The following PRKDC variants were observed in gnomAD, a reference collection of about 807,000 sequenced individuals.
The protein encoded by PRKDC is DNA-dependent protein kinase catalytic subunit.
PRKDC carries 82 observed loss-of-function variants against 486.9 expected under a neutral mutation model. The ratio of observed to expected loss-of-function variants is 0.17; its 90% CI spans 0.14 to 0.20. PRKDC has a LOEUF of 0.20. PRKDC is among the 10% of genes least tolerant of loss of function. The probability of loss-of-function intolerance (pLI) is 1.00; values close to 1 mark genes in which losing one functional copy is unlikely to be tolerated. For missense variants in PRKDC, 4,504 were observed against 5,038.2 expected, an observed-to-expected ratio of 0.89 and a Z score of 3.21; for synonymous variants, 1,895 against 1,837.0, an observed-to-expected ratio of 1.03 and a Z score of -0.81.
At chr8:47,847,601 A>C (rs1326828433) in intron 54 of PRKDC, among the ~76,000 whole-genome samples, 4 of 152,212 alleles carry the variant, frequency 2.6e-5, no homozygotes, top group African/African-American at 9.6e-5. Flanking sequence ...TTTATGACTA[A>C]GTTCTAAAAA....
intron 73 of PRKDC, among the ~76,000 whole-genome samples, chr8:47,796,542 G>A (rs537405227): frequency 5.9e-5 from 9 of 151,932 alleles, no homozygotes; most frequent in East Asian, 1.9e-4. Context: ...GTAGATTGCC[G>A]AAGTCAGCTT....
chr8:47,785,414 G>A, intron 76 of PRKDC, 97 bp from the exon 77 acceptor site: 1 of 956,944 alleles, frequency 1.0e-6, no homozygotes, highest in South Asian at 1.5e-5. Context: ...GTGCTCAATG[G>A]TATATGTTTC....
intron 52 of PRKDC, among the ~76,000 whole-genome samples, chr8:47,850,935 G>A (rs2088389793): frequency 1.3e-5 from 2 of 152,118 alleles, no homozygotes; most frequent in South Asian, 2.1e-4. Flanking sequence ...TCAGCCTCCC[G>A]AGTAGCTGGG....
In PRKDC at chr8:47,855,341, T is replaced by C; in HGVS notation, c.6642A>G (p.Arg2214=). The change falls in exon 50 of 86, where the codon CGA becomes CGG. Residue 2214 remains arginine, a synonymous_variant. Transcript: ENST00000314191. Reference sequence around the variant, plus strand: ...CATGTTTCATTAGGAAATTAAGCAATCGATTTGCTAACACTTCATCTTTAG... The same window carrying C: ...CATGTTTCATTAGGAAATTAAGCAACCGATTTGCTAACACTTCATCTTTAG... The part of the protein sequence containing the change: ...GVPKDEVLAN[R]LLNFLMKHVF... The C allele has an allele frequency of 6.3e-7, 1 of 1,599,748 alleles. No individual in the cohort carries two copies. Among genetic ancestry groups the C allele is most frequent in the Non-Finnish European group, 8.5e-7 (1 of 1,172,154 alleles).
At chr8:47,816,456 G>A (rs1216660319) in intron 68 of PRKDC, among the ~76,000 whole-genome samples, 1 of 152,172 alleles carries the variant, frequency 6.6e-6, no homozygotes, top group Non-Finnish European at 1.5e-5. Flanking sequence ...TGTTGTAGAG[G>A]TAGAGAAAAT....
intron 30 of PRKDC, among the ~76,000 whole-genome samples, chr8:47,896,103 T>C (rs1357228447): frequency 6.6e-6 from 1 of 152,128 alleles, no homozygotes; most frequent in African/African-American, 2.4e-5. Flanking sequence ...AAAACACAGA[T>C]ATACATTTCT....
Position 47,860,233 on chromosome 8 carries a change from G to A in PRKDC, c.6059-474C>T, listed in dbSNP as rs190410129. On this transcript the variant is annotated intron_variant, in intron 45 of 85. Coordinates refer to ENST00000314191, the MANE Select transcript of PRKDC (RefSeq NM_006904.7). ...AAACAAAAACAAGGAGCATATAGAG[G>A]GATAGTGGACTAATTTTAAATAGGG... 2.0e-5 allele frequency among the ~76,000 whole-genome samples: 3 copies of A among 152,248 alleles called. No homozygotes were observed. The East Asian group carries it at 5.8e-4, about 29-fold the overall frequency.
chr8:47,902,360 A>G (rs1368624626), intron 27 of PRKDC, among the ~76,000 whole-genome samples: 1 of 152,240 alleles, frequency 6.6e-6, no homozygotes, highest in African/African-American at 2.4e-5. Context: ...TGGCTGAGAC[A>G]GTGTTTACAT....
In PRKDC at chr8:47,836,521, T is replaced by C; in HGVS notation, c.7768A>G (p.Thr2590Ala). The change falls in exon 58 of 86, where the codon ACC becomes GCC. Residue 2590 changes from threonine to alanine, a missense_variant. Transcript: ENST00000314191. ...CGGAAACGCCAATCAGAATCAATGG[T>C]ATATTCCTGTACATAAGAAAGTTTC... is the stretch of plus-strand genomic sequence containing the variant. ...PLSECEFQEY[T>A]IDSDWRFRST... is the part of the protein sequence containing the mutation. 1 of 1,592,042 alleles carries C rather than the reference T, an allele frequency of 6.3e-7. No homozygotes were observed. Among genetic ancestry groups the C allele is most frequent in the Non-Finnish European group, 8.6e-7 (1 of 1,168,594 alleles).
At position 47,855,319 on chromosome 8, in the gene PRKDC, G is replaced by A; in HGVS notation, c.6664C>T (p.His2222Tyr). Residue 2222 changes from histidine (H) to tyrosine (Y), a missense_variant, in exon 50 of 86, where the codon CAT becomes TAT. Physicochemically the swap from His to Tyr is moderately conservative, Grantham distance 83. Around this residue, in one of 6 missense-constraint regions of PRKDC, gnomAD observed 1,592 missense variants for 1,724.6 expected, o/e 0.92. Transcript: ENST00000314191. ...ACAGCTCTTTTTGGATGAAAGACAT[G>A]TTTCATTAGGAAATTAAGCAATCGA... ...ANRLLNFLMK[H>Y]VFHPKRAVFR... is the part of the protein sequence containing the mutation. 6.2e-7 allele frequency: 1 copy of A among 1,600,154 alleles called. No individual in the cohort carries two copies. Among genetic ancestry groups the A allele is most frequent in the Non-Finnish European group, 8.5e-7 (1 of 1,172,262 alleles).
intron 14 of PRKDC, among the ~76,000 whole-genome samples, chr8:47,934,468 A>G (rs543534649): frequency 1.1e-4 from 17 of 152,230 alleles, no homozygotes; most frequent in African/African-American, 3.9e-4. Flanking sequence ...CTTGGAGGGG[A>G]AGGTTGCAGT....
At chr8:47,783,664 T>C (rs910021173) in intron 78 of PRKDC, 78 bp downstream of exon 78, 14 of 1,410,736 alleles carry the variant, frequency 9.9e-6, no homozygotes, top group East Asian at 9.2e-5. Context: ...TTGTCTCATA[T>C]ACTAAAGGCA....
chr8:47,820,896 G>A lies in PRKDC; in HGVS notation c.9159C>T (p.Leu3053=), dbSNP rs1376596357. The A allele has an allele frequency of 3.7e-6, 6 of 1,608,058 alleles. No individual in the cohort carries two copies. The African/African-American group carries it at 6.7e-5, about 18-fold the overall frequency. Residue 3053 remains leucine, a synonymous_variant, in exon 66 of 86, where the codon CTC becomes CTT. Transcript: ENST00000314191. ...YMIRSKLKLL[L]QGEADQSLLT... ...GCAGGGACTGGTCAGCCTCTCCCTGGAGCAGCAGCTTCAGCTTGCTGCGGA... is the reference window on the plus strand; with the variant it reads ...GCAGGGACTGGTCAGCCTCTCCCTGAAGCAGCAGCTTCAGCTTGCTGCGGA...
intron 54 of PRKDC, among the ~76,000 whole-genome samples, chr8:47,841,442 C>T (rs750373446): frequency 6.6e-6 from 1 of 152,192 alleles, no homozygotes; most frequent in Non-Finnish European, 1.5e-5. Context: ...ACCCCAGCTG[C>T]TCCCACAAGA....
chr8:47,830,844 G>C (rs1196864725), intron 60 of PRKDC, 108 bp from the exon 61 acceptor site: 3 of 1,391,304 alleles, frequency 2.2e-6, no homozygotes, highest in East Asian at 4.6e-5. Flanking sequence ...GGGCGAAGTG[G>C]TGGGAACTGA....
At chr8:47,938,342 T>A (rs2090388402) in intron 11 of PRKDC, among the ~76,000 whole-genome samples, 2 of 143,730 alleles carry the variant, frequency 1.4e-5, no homozygotes, top group African/African-American at 2.6e-5. Flanking sequence ...ACCCGGGAGG[T>A]GGAGGTTGTG....
chr8:47,858,313 G>A (rs180675339), intron 48 of PRKDC, among the ~76,000 whole-genome samples: 13 of 151,822 alleles, frequency 8.6e-5, no homozygotes, highest in African/African-American at 2.4e-4. Flanking sequence ...TGTTAAAAAC[G>A]ATAAAAGAAT....
chr8:47,859,567 C>T, intron 46 of PRKDC, 44 bp downstream of exon 46: 1 of 1,588,846 alleles, frequency 6.3e-7, no homozygotes, highest in Middle Eastern at 1.7e-4. Context: ...CCCCTTTCTT[C>T]ACAAACATCG....
At chr8:47,857,108 T>C (rs774272034) in intron 49 of PRKDC, 48 bp downstream of exon 49, 70 of 1,578,690 alleles carry the variant, frequency 4.4e-5, no homozygotes, top group Admixed American at 9.1e-5. Context: ...CTCTATAGGC[T>C]ATTGGCAAAG....
Sources: allele counts gnomAD v4.1 joint callset (sites outside exome capture counted in the v4.1 genomes callset), GRCh38; gene constraint gnomAD v4.1.1; regional missense constraint gnomAD v4.1.1; transcripts MANE v1.5; gene names NCBI Gene and HGNC (gene_info 2026-07-23, HGNC 2026-07-21).